Variants in IPO7 observed in about 807,000 individuals in gnomAD.
IPO7 encodes the protein importin-7.
Under a neutral mutation model 136.4 loss-of-function variants are expected in IPO7, and 13 were observed. That is an observed-to-expected ratio of 0.10 (90% CI 0.06 to 0.15). The LOEUF (loss-of-function observed/expected upper bound fraction) is 0.15, where lower values mean the gene tolerates loss of function less well. IPO7 is among the 10% of genes least tolerant of loss of function. IPO7 has a pLI of 1.00. For missense variants in IPO7, 857 were observed against 1,240.6 expected (o/e 0.69, Z 4.65); for synonymous variants, 403 against 404.4 (o/e 1.00, Z 0.04).
chr11:9,422,076 T>C (rs1855140324), intron 8 of IPO7, among the ~76,000 whole-genome samples: 2 of 152,156 alleles, frequency 1.3e-5, no homozygotes, highest in African/African-American at 4.8e-5. Flanking sequence ...GGCCAGGAGT[T>C]CGAGACCAGC....
At position 9,415,576 on chromosome 11, in the gene IPO7, C is replaced by T. The variant is rs139063626; in HGVS notation, c.636+1165C>T. ...GGTTGGGGCCGGGCGTGATGGCTCA[C>T]GCCTGTAATCCCAGCACTTTGGGAG... On this transcript the variant is annotated intron_variant, in intron 5 of 24. Coordinates refer to ENST00000379719, the MANE Select transcript of IPO7 (RefSeq NM_006391.3). 1.0e-3 allele frequency among the ~76,000 whole-genome samples: 155 copies of T among 152,194 alleles called. 4 individuals are homozygous for T. In the East Asian group the frequency reaches 0.027, roughly 27 times the overall value.
chr11:9,419,377 GTC>G (rs1855090918), intron 6 of IPO7, among the ~76,000 whole-genome samples: 1 of 150,976 alleles, frequency 6.6e-6, no homozygotes, highest in Non-Finnish European at 1.5e-5. Context: ...GTGAAACCCT[GTC>G]TCTACTAAAA....
At chr11:9,405,577 C>T (rs1220757041) in intron 2 of IPO7, among the ~76,000 whole-genome samples, 1 of 152,220 alleles carries the variant, frequency 6.6e-6, no homozygotes, top group African/African-American at 2.4e-5. Context: ...CACGTACCAT[C>T]ATGCCCTGAT....
intron 2 of IPO7, 91 bp downstream of exon 2, chr11:9,403,462 G>T: frequency 1.1e-6 from 1 of 949,716 alleles, no homozygotes. Context: ...TGGCCCTTTG[G>T]CAATTTTTTC....
chr11:9,423,685 A>G (rs1461285552), intron 9 of IPO7, 92 bp from the exon 10 acceptor site: 6 of 731,858 alleles, frequency 8.2e-6, no homozygotes, highest in Non-Finnish European at 1.2e-5. Flanking sequence ...TAAAATACAT[A>G]TAGTGTTACT....
intron 6 of IPO7, among the ~76,000 whole-genome samples, chr11:9,419,679 A>G (rs1232291730): frequency 6.6e-6 from 1 of 150,414 alleles, no homozygotes; most frequent in African/African-American, 2.4e-5. Context: ...CCATAATTGA[A>G]CATTATTAAT....
chr11:9,436,336 T>G lies in IPO7; in HGVS notation c.2238T>G (p.Ile746Met). The G allele has an allele frequency of 6.2e-7, 1 of 1,613,722 alleles. No homozygotes were observed. Among genetic ancestry groups the G allele is most frequent in the Non-Finnish European group, 8.5e-7 (1 of 1,179,678 alleles). Reference protein sequence around the residue: ...CHAAKLLEVIILQCKGRGIDQ... With the variant: ...CHAAKLLEVIMLQCKGRGIDQ... ...CAGCAAAATTGTTAGAGGTCATCATTCTGCAGTGCAAAGGGCGTGGCATTG... is the reference window on the plus strand; with the variant it reads ...CAGCAAAATTGTTAGAGGTCATCATGCTGCAGTGCAAAGGGCGTGGCATTG... The change falls in exon 20 of 25, where the codon ATT becomes ATG. Residue 746 changes from isoleucine to methionine, a missense_variant. By Grantham distance (10) the Ile-to-Met change is conservative. This residue lies in a region of IPO7 where 190 missense variants were observed against 249.0 expected (regional missense o/e 0.76). Coordinates refer to ENST00000379719, the MANE Select transcript of IPO7 (RefSeq NM_006391.3).
chr11:9,422,219 C>T (rs770519776), intron 8 of IPO7, among the ~76,000 whole-genome samples: 59 of 151,904 alleles, frequency 3.9e-4, no homozygotes, highest in Admixed American at 1.6e-3. Context: ...GCGGAGTTTG[C>T]GGTGGGCCGA....
chr11:9,432,880 A>G (rs947198579), intron 16 of IPO7, among the ~76,000 whole-genome samples: 4 of 152,082 alleles, frequency 2.6e-5, no homozygotes, highest in African/African-American at 9.7e-5. Context: ...CGTAGCAATA[A>G]TGCCTTCCTT....
intron 6 of IPO7, 71 bp from the exon 7 acceptor site, chr11:9,420,340 A>T: frequency 1.0e-6 from 1 of 997,878 alleles, no homozygotes; most frequent in Middle Eastern, 3.2e-4. Context: ...ATTTTTGTCA[A>T]TCTATTCTCA....
intron 8 of IPO7, among the ~76,000 whole-genome samples, 171 bp downstream of exon 8, chr11:9,420,869 C>T (rs1855117135): frequency 6.6e-6 from 1 of 152,066 alleles, no homozygotes; most frequent in Non-Finnish European, 1.5e-5. Flanking sequence ...CTTAGGATAC[C>T]ATTGGGTTCT....
chr11:9,425,977 C>T (rs1029287609), intron 12 of IPO7, among the ~76,000 whole-genome samples: 24 of 151,762 alleles, frequency 1.6e-4, no homozygotes, highest in African/African-American at 5.1e-4. Context: ...ACTTGGGAGG[C>T]GGAGGCTGCA....
chr11:9,431,488 TCTCA>T (rs977861757), intron 16 of IPO7, among the ~76,000 whole-genome samples: 45 of 149,690 alleles, frequency 3.0e-4, no homozygotes, highest in African/African-American at 1.1e-3. Context: ...TGAGATGGAG[TCTCA>T]CTCTGTCACC....
chr11:9,402,935 C>T (rs973846538), intron 1 of IPO7: 6 of 233,758 alleles, frequency 2.6e-5, no homozygotes, highest in African/African-American at 9.6e-5. Flanking sequence ...GCAGGAGAAT[C>T]GCTTGAACCT....
chr11:9,434,807 C>G (rs1038098592), intron 18 of IPO7, 127 bp from the exon 19 acceptor site: 7 of 691,182 alleles, frequency 1.0e-5, no homozygotes, highest in Admixed American at 2.3e-5. Context: ...CCCCTCCCCC[C>G]AAAAAAAGGT....
At chr11:9,426,909 G>GC (rs60903934) in intron 12 of IPO7, among the ~76,000 whole-genome samples, 77,296 of 149,270 alleles carry the variant, frequency 0.52, 20,683 homozygotes, top group Non-Finnish European at 0.6. Context: ...CCGCCTCCCC[G>GC]CCCCCCCGCC....
intron 1 of IPO7, chr11:9,392,168 A>ATTGTTT: frequency 2.9e-6 from 1 of 339,854 alleles, no homozygotes; most frequent in Non-Finnish European, 5.5e-6. Context: ...CCTTTGTCAA[A>ATTGTTT]TTCTTTTTTT....
intron 4 of IPO7, among the ~76,000 whole-genome samples, chr11:9,410,311 G>A (rs1010119013): frequency 1.3e-5 from 2 of 151,782 alleles, no homozygotes; most frequent in Non-Finnish European, 2.9e-5. Context: ...CTTAATCACC[G>A]TCTCTTTACC....
At position 9,429,711 on chromosome 11, in the gene IPO7, G is replaced by A. The variant is rs764558453; in HGVS notation, c.1629G>A (p.Met543Ile). ...TCACACCATTCATCAGACCTGTAAT[G>A]CAGGCTCTTCTTCACATTATAAGAG... ...EYITPFIRPV[M>I]QALLHIIRET... Residue 543 changes from methionine to isoleucine, a missense_variant, in exon 15 of 25, where the codon ATG becomes ATA. By Grantham distance (10) the Met-to-Ile change is conservative (BLOSUM62 1). Transcript: ENST00000379719. 1 of 1,608,796 alleles carries A rather than the reference G, an allele frequency of 6.2e-7. No homozygotes were observed. Among genetic ancestry groups the A allele is most frequent in the East Asian group, 2.2e-5 (1 of 44,804 alleles).
Sources: gnomAD v4.1 joint callset for allele counts (sites outside exome capture counted in the v4.1 genomes callset) on GRCh38, gnomAD v4.1.1 for gene constraint, gnomAD v4.1.1 regional missense constraint, MANE v1.5 for transcripts, NCBI Gene and HGNC (gene_info 2026-07-23, HGNC 2026-07-21) for gene names.